Variants in STAG1 observed in about 807,000 individuals in gnomAD.
The protein encoded by STAG1 is cohesin subunit SA-1.
In STAG1, 26 loss-of-function variants were observed where a neutral mutation model predicts 170.9. The observed-to-expected ratio is 0.15, with a 90% CI of 0.11 to 0.21. STAG1 has a LOEUF of 0.21. STAG1 is among the 10% of genes least tolerant of loss of function. The probability of loss-of-function intolerance (pLI) is 1.00; values close to 1 mark genes in which losing one functional copy is unlikely to be tolerated. For synonymous variants in STAG1, 514 were observed against 497.7 expected (o/e 1.03, Z -0.44); for missense variants, 964 against 1,509.5 (o/e 0.64, Z 5.99).
In STAG1 at chr3:136,564,963, G is replaced by GAGGAAGGAAGGAAGGAAGGAAGGAAGGA. The variant is rs546552313; in HGVS notation, c.394+3774_394+3801dup. Among the ~76,000 whole-genome samples the GAGGAAGGAAGGAAGGAAGGAAGGAAGGA allele has an allele frequency of 1.9e-4, 7 of 37,750 alleles. 1 individual carries two copies. The highest frequency in any genetic ancestry group is 6.4e-4 in the African/African-American group (7 of 10,898). 24.8% of individuals were successfully genotyped at this position (37,750 alleles called of 152,430 possible). ...GGATCCTTAAATTTGACATGTGTAT[G>GAGGAAGGAAGGAAGGAAGGAAGGAAGGA]AGGAAGGAAGGAAGGAAGGAAGGAA... On this transcript the variant is annotated intron_variant, in intron 5 of 33. Transcript: ENST00000383202.
At chr3:136,522,037 T>C (rs573205263) in intron 6 of STAG1, among the ~76,000 whole-genome samples, 74 of 152,324 alleles carry the variant, frequency 4.9e-4, no homozygotes, top group Non-Finnish European at 3.2e-4. Flanking sequence ...CATCTTGTTT[T>C]AAAACACAAA....
chr3:136,504,868 A>G (rs1169407352), intron 7 of STAG1, among the ~76,000 whole-genome samples: 1 of 151,676 alleles, frequency 6.6e-6, no homozygotes, highest in Non-Finnish European at 1.5e-5. Flanking sequence ...TTATTTAATG[A>G]CTCTCCTTCC....
chr3:136,423,521 C>G (rs2088021168), intron 16 of STAG1, among the ~76,000 whole-genome samples: 1 of 152,202 alleles, frequency 6.6e-6, no homozygotes, highest in South Asian at 2.1e-4. Flanking sequence ...ACTAAACTCA[C>G]AAATCTGTTA....
chr3:136,476,108 A>T (rs1358740116), intron 10 of STAG1, among the ~76,000 whole-genome samples: 1 of 152,242 alleles, frequency 6.6e-6, no homozygotes, highest in East Asian at 1.9e-4. Context: ...AATATGGCTC[A>T]TGCCCACTTG....
At chr3:136,540,852 A>C (rs939795554) in intron 6 of STAG1, among the ~76,000 whole-genome samples, 3 of 141,292 alleles carry the variant, frequency 2.1e-5, no homozygotes, top group African/African-American at 7.9e-5. Flanking sequence ...AAAAAAAAAA[A>C]CCTATATATT....
At chr3:136,735,970 ACAGGGCAT>A (rs964023120) in intron 1 of STAG1, among the ~76,000 whole-genome samples, 13 of 152,182 alleles carry the variant, frequency 8.5e-5, no homozygotes, top group Admixed American at 2.6e-4. Flanking sequence ...GCCAAACACC[ACAGGGCAT>A]CAGGGCATCA....
intron 3 of STAG1, among the ~76,000 whole-genome samples, chr3:136,617,810 TG>T (rs933007018): frequency 2.6e-5 from 4 of 151,926 alleles, no homozygotes; most frequent in Admixed American, 1.3e-4. Flanking sequence ...ACCAAGAGGG[TG>T]GGCAAATAAA....
At chr3:136,578,106 A>T (rs1478411316) in intron 4 of STAG1, among the ~76,000 whole-genome samples, 2 of 152,242 alleles carry the variant, frequency 1.3e-5, no homozygotes, top group African/African-American at 2.4e-5. Flanking sequence ...TGAAGGGAGT[A>T]ACTATATCTA....
At position 136,669,213 on chromosome 3, in the gene STAG1, A is replaced by C. The variant is rs191187888; in HGVS notation, c.-83-38232T>G. On this transcript the variant is annotated intron_variant, in intron 1 of 33. Transcript: ENST00000383202. Reference sequence around the variant, plus strand: ...AGGCAACACACTGTATTTAGAATCCACTTGCCTGCTTCTAACACACAAAAA... The same window carrying C: ...AGGCAACACACTGTATTTAGAATCCCCTTGCCTGCTTCTAACACACAAAAA... Among the ~76,000 whole-genome samples the C allele has an allele frequency of 6.6e-5, 10 of 152,328 alleles. No individual in the cohort carries two copies. The East Asian group carries it at 1.5e-3, about 23-fold the overall frequency.
chr3:136,613,236 C>T (rs1000496232), intron 3 of STAG1, among the ~76,000 whole-genome samples: 9 of 133,880 alleles, frequency 6.7e-5, no homozygotes, highest in Admixed American at 2.7e-4. Flanking sequence ...ACCCAGGAGG[C>T]GGAGCTTGCA....
intron 16 of STAG1, chr3:136,430,231 T>C (rs938261499): frequency 6.6e-6 from 1 of 152,192 alleles, no homozygotes; most frequent in African/African-American, 2.4e-5. Context: ...CCCTGCATTG[T>C]TCAAGGGTAA....
rs371792054 is a variant in STAG1, at chr3:136,496,349, GATCTATAGGT to G, written c.902+3864_902+3873del. ...ATACCTTATTTTCTTGAGGTATAGAGATCTATAGGTATCTATAGGTATCTATTCACCAAGA... is the reference window on the plus strand; with the variant it reads ...ATACCTTATTTTCTTGAGGTATAGAGATCTATAGGTATCTATTCACCAAGA... On this transcript the variant is annotated intron_variant, in intron 9 of 33. Coordinates refer to ENST00000383202, the MANE Select transcript of STAG1 (RefSeq NM_005862.3). Among the ~76,000 whole-genome samples, 192 of 152,258 alleles carry G rather than the reference GATCTATAGGT, an allele frequency of 1.3e-3. 1 individual carries two copies. Among genetic ancestry groups the G allele is most frequent in the African/African-American group, 4.3e-3 (177 of 41,544 alleles).
intron 15 of STAG1, among the ~76,000 whole-genome samples, chr3:136,438,899 CTAGT>C (rs962981166): frequency 6.6e-6 from 1 of 151,874 alleles, no homozygotes; most frequent in Non-Finnish European, 1.5e-5. Context: ...AGAAGATTAT[CTAGT>C]TAAAGTTTCT....
chr3:136,360,448 G>A (rs189764965), intron 26 of STAG1, among the ~76,000 whole-genome samples: 34 of 152,168 alleles, frequency 2.2e-4, no homozygotes, highest in Admixed American at 9.8e-4. Context: ...TTATAGCAAA[G>A]GTCCTGAAAA....
In STAG1 at chr3:136,445,024, CT is replaced by C. The variant is rs368181116; in HGVS notation, c.1429-1621del. 8.1e-3 allele frequency among the ~76,000 whole-genome samples: 1,087 copies of C among 134,106 alleles called. 3 individuals are homozygous for C. The highest frequency in any genetic ancestry group is 0.038 in the East Asian group (178 of 4,696). 88.0% of individuals were successfully genotyped at this position (134,106 alleles called of 152,430 possible). A position where few individuals can be genotyped will look rare whatever the true frequency, so the allele number is the denominator to read the frequency against. ...TATAGGAGTGTGCTACCCCGCCTGG[CT>C]TTTTTTTTTTTTTTTGTAGAGACGG... On this transcript the variant is annotated intron_variant, in intron 14 of 33. Transcript: ENST00000383202.
chr3:136,381,643 T>C (rs755321264), intron 22 of STAG1, among the ~76,000 whole-genome samples: 3 of 152,326 alleles, frequency 2.0e-5, no homozygotes, highest in Admixed American at 6.5e-5. Flanking sequence ...ATGGGGCTGA[T>C]AGAAGTCTTT....
intron 4 of STAG1, among the ~76,000 whole-genome samples, chr3:136,597,130 T>C (rs996127082): frequency 1.4e-4 from 21 of 152,204 alleles, no homozygotes; most frequent in African/African-American, 4.8e-4. Context: ...AATTATCCTG[T>C]TTATTATAGA....
chr3:136,343,792 T>C lies in STAG1; in HGVS notation c.3446+40A>G, dbSNP rs752778373. The C allele has an allele frequency of 1.4e-5, 21 of 1,471,486 alleles. No individual in the cohort carries two copies. In the African/African-American group the frequency reaches 2.8e-4, roughly 20 times the overall value. 91.2% of individuals were successfully genotyped at this position (1,471,486 alleles called of 1,614,324 possible). A position where few individuals can be genotyped will look rare whatever the true frequency, so the allele number is the denominator to read the frequency against. ...TTTTCTTAAATAGTTTTACTTTCTT[T>C]AAAGGCTTTTTGTGAAAAAGACAAA... On this transcript the variant is annotated intron_variant, in intron 30 of 33. Coordinates refer to ENST00000383202, the MANE Select transcript of STAG1 (RefSeq NM_005862.3).
At chr3:136,711,778 T>G (rs1270213393) in intron 1 of STAG1, among the ~76,000 whole-genome samples, 1 of 151,942 alleles carries the variant, frequency 6.6e-6, no homozygotes, top group Non-Finnish European at 1.5e-5. Flanking sequence ...TAAATGGTGC[T>G]GGAACAACTG....
Sources: gnomAD v4.1 joint callset for allele counts (sites outside exome capture counted in the v4.1 genomes callset) on GRCh38, gnomAD v4.1.1 for gene constraint, MANE v1.5 for transcripts, NCBI Gene and HGNC (gene_info 2026-07-23, HGNC 2026-07-21) for gene names.